FRAS1: variants seen among roughly 807,000 people sequenced by gnomAD.
FRAS1 encodes extracellular matrix organizing protein FRAS1.
FRAS1 carries 290 observed loss-of-function variants against 435.2 expected under a neutral mutation model. That is an observed-to-expected ratio of 0.67 (90% confidence interval 0.61 to 0.73). The LOEUF (loss-of-function observed/expected upper bound fraction) is 0.73, where lower values mean the gene tolerates loss of function less well. Among genes scored for constraint, FRAS1 ranks in the 30% least tolerant of loss-of-function variants. The pLI, the probability that FRAS1 is intolerant of heterozygous loss-of-function variation, is 0.00. For synonymous variants in FRAS1, 1,800 were observed against 1,851.0 expected (o/e 0.97, Z 0.71); for missense variants, 4,860 against 5,001.5 (o/e 0.97, Z 0.85).
intron 66 of FRAS1, among the ~76,000 whole-genome samples, chr4:78,518,304 C>G (rs1441725544): frequency 6.6e-6 from 1 of 150,786 alleles, no homozygotes; most frequent in African/African-American, 2.4e-5. Context: ...TCCTTAATTA[C>G]CCATAGAAAC....
At chr4:78,266,101 G>A (rs976107349) in intron 7 of FRAS1, among the ~76,000 whole-genome samples, 2 of 152,178 alleles carry the variant, frequency 1.3e-5, no homozygotes, top group South Asian at 4.1e-4. Context: ...CTCTAAAAGT[G>A]CCTAAAATGC....
intron 2 of FRAS1, among the ~76,000 whole-genome samples, chr4:78,137,063 A>G (rs1378315735): frequency 3.3e-5 from 5 of 152,246 alleles, no homozygotes; most frequent in Non-Finnish European, 1.5e-5. Flanking sequence ...TCTGGAAAGG[A>G]AATAGATTTA....
intron 2 of FRAS1, among the ~76,000 whole-genome samples, chr4:78,095,715 C>A (rs1244145624): frequency 6.6e-6 from 1 of 152,202 alleles, no homozygotes; most frequent in Admixed American, 6.5e-5. Flanking sequence ...ACCCTCAGAT[C>A]TTTTGAGACT....
At chr4:78,300,743 A>G (rs1728349732) in intron 14 of FRAS1, among the ~76,000 whole-genome samples, 1 of 152,092 alleles carries the variant, frequency 6.6e-6, no homozygotes, top group African/African-American at 2.4e-5. Flanking sequence ...GCCTCTGCCT[A>G]TGGCTGCAGC....
intron 2 of FRAS1, among the ~76,000 whole-genome samples, chr4:78,225,759 T>C (rs1443789904): frequency 2.0e-5 from 3 of 152,188 alleles, no homozygotes; most frequent in African/African-American, 7.2e-5. Context: ...TAAATATATA[T>C]AAATACACAT....
At chr4:78,106,324 A>T (rs1393003567) in intron 2 of FRAS1, among the ~76,000 whole-genome samples, 1 of 65,388 alleles carries the variant, frequency 1.5e-5, no homozygotes, top group Admixed American at 2.1e-4. Flanking sequence ...GACAGCAGTA[A>T]CCTCTGCAGA....
At chr4:78,362,247 C>T (rs1007295023) in intron 20 of FRAS1, among the ~76,000 whole-genome samples, 2 of 152,228 alleles carry the variant, frequency 1.3e-5, no homozygotes, top group African/African-American at 4.8e-5. Flanking sequence ...TATTTACTAA[C>T]CTCAGTCCAT....
chr4:78,284,604 A>G, intron 13 of FRAS1, 56 bp downstream of exon 13: 1 of 1,492,878 alleles, frequency 6.7e-7, no homozygotes, highest in Non-Finnish European at 9.0e-7. Context: ...TAGACTCATC[A>G]AAGGTTGTGA....
intron 26 of FRAS1, chr4:78,379,454 C>T (rs1475302301): frequency 2.5e-6 from 1 of 392,660 alleles, no homozygotes; most frequent in Non-Finnish European, 4.5e-6. Flanking sequence ...CACCTGAGGA[C>T]CTCCCACTGG....
At position 78,513,527 on chromosome 4, in the gene FRAS1, C is replaced by T. The variant is rs35321934; in HGVS notation, c.10149C>T (p.Thr3383=). The T allele has an allele frequency of 7.6e-4, 1,226 of 1,613,810 alleles. 7 individuals carry two copies. In the African/African-American group the frequency reaches 0.014, roughly 19 times the overall value. ...AGCACGTCTGCTCCAATTTAGTTAC[C>T]ACCTATGACCTGAGAGGCATCTCAG... ...RHQHVCSNLV[T]TYDLRGISEA... The change falls in exon 65 of 74, where the codon ACC becomes ACT. Residue 3383 remains threonine, a synonymous_variant. Transcript: ENST00000512123.
At chr4:78,399,457 G>A (rs1732797943) in intron 29 of FRAS1, among the ~76,000 whole-genome samples, 2 of 152,140 alleles carry the variant, frequency 1.3e-5, no homozygotes, top group Admixed American at 1.3e-4. Flanking sequence ...TTTGAAGTTT[G>A]AAAACTGAAC....
intron 59 of FRAS1, among the ~76,000 whole-genome samples, chr4:78,492,917 G>A (rs1332385006): frequency 1.3e-5 from 2 of 152,160 alleles, no homozygotes; most frequent in African/African-American, 4.8e-5. Flanking sequence ...ATCTGACAAA[G>A]GGCTAATATC....
At chr4:78,085,179 T>G (rs1741086173) in intron 2 of FRAS1, among the ~76,000 whole-genome samples, 3 of 152,156 alleles carry the variant, frequency 2.0e-5, no homozygotes, top group African/African-American at 7.2e-5. Flanking sequence ...ATGATTCTTT[T>G]CTATGTGATT....
intron 18 of FRAS1, among the ~76,000 whole-genome samples, chr4:78,328,665 A>T (rs1020950920): frequency 9.2e-5 from 14 of 152,186 alleles, no homozygotes; most frequent in African/African-American, 2.9e-4. Context: ...CCTAACTGTG[A>T]AACCATGCCC....
chr4:78,403,183 C>T (rs556783854), intron 30 of FRAS1, among the ~76,000 whole-genome samples: 1 of 152,238 alleles, frequency 6.6e-6, no homozygotes, highest in Admixed American at 6.5e-5. Context: ...CCTTTATCTT[C>T]ATCAGTAAAA....
chr4:78,473,494 A>G lies in FRAS1; in HGVS notation c.7579A>G (p.Met2527Val), dbSNP rs776994570. 3 of 1,613,458 alleles carry G rather than the reference A, an allele frequency of 1.9e-6. No individual in the cohort carries two copies. The highest frequency in any genetic ancestry group is 2.2e-5 in the South Asian group (2 of 91,012). The change falls in exon 53 of 74, where the codon ATG (methionine) becomes GTG (valine). Residue 2527 changes from methionine (M) to valine (V), a missense_variant. Physicochemically the swap from Met to Val is conservative, Grantham distance 21. Coordinates refer to ENST00000512123, the MANE Select transcript of FRAS1 (RefSeq NM_025074.7). ...YVLHKEKIRE[M>V]MDSFQFLVKD... ...GTTGCACAAGGAGAAGATCCGTGAG[A>G]TGATGGATAGTTTTCAGTTTCTGGT...
chr4:78,321,432 C>T (rs1055187604), intron 18 of FRAS1, among the ~76,000 whole-genome samples: 3 of 152,150 alleles, frequency 2.0e-5, no homozygotes, highest in Non-Finnish European at 4.4e-5. Context: ...GTCTCCATTC[C>T]ATACAGGAGA....
chr4:78,203,919 C>G (rs1283451494), intron 2 of FRAS1, among the ~76,000 whole-genome samples: 3 of 152,148 alleles, frequency 2.0e-5, no homozygotes, highest in Admixed American at 2.0e-4. Flanking sequence ...CCATTTTGTG[C>G]TCTAACTTTT....
At chr4:78,201,522 T>C (rs1276990659) in intron 2 of FRAS1, among the ~76,000 whole-genome samples, 1 of 152,138 alleles carries the variant, frequency 6.6e-6, no homozygotes, top group Non-Finnish European at 1.5e-5. Context: ...GCTGAGGAAT[T>C]GGCCTATGAG....
Sources: allele counts gnomAD v4.1 joint callset (sites outside exome capture counted in the v4.1 genomes callset), GRCh38; gene constraint gnomAD v4.1.1; transcripts MANE v1.5; gene names NCBI Gene and HGNC (gene_info 2026-07-23, HGNC 2026-07-21).